COL16A1: variants seen among roughly 807,000 people sequenced by gnomAD.
COL16A1 encodes the protein collagen alpha-1(XVI) chain.
Under a neutral mutation model 266.3 loss-of-function variants are expected in COL16A1, and 189 were observed. The observed-to-expected ratio is 0.71, with a 90% CI of 0.63 to 0.80. COL16A1 has a LOEUF of 0.80. Ranked by LOEUF, COL16A1 falls within the 30% of genes least tolerant of loss-of-function variation. The pLI, the probability that COL16A1 is intolerant of heterozygous loss-of-function variation, is 0.00. For synonymous variants in COL16A1, 740 were observed against 782.3 expected (o/e 0.95, Z 0.90); for missense variants, 1,928 against 2,122.4 (o/e 0.91, Z 1.80).
At chr1:31,686,024 G>T in intron 28 of COL16A1, 67 bp downstream of exon 28, 1 of 1,597,886 alleles carries the variant, frequency 6.3e-7, no homozygotes, top group Non-Finnish European at 8.5e-7. Flanking sequence ...GTTCGAAGTC[G>T]AGCAAGACGA....
intron 44 of COL16A1, among the ~76,000 whole-genome samples, 200 bp downstream of exon 44, chr1:31,674,807 C>G (rs1238390043): frequency 6.6e-6 from 1 of 152,230 alleles, no homozygotes; most frequent in African/African-American, 2.4e-5. Context: ...TTCCTTTAAG[C>G]ACTCATTCAG....
chr1:31,696,247 G>T, intron 8 of COL16A1, 106 bp from the exon 9 acceptor site: 2 of 1,008,770 alleles, frequency 2.0e-6, no homozygotes, highest in Non-Finnish European at 3.0e-6. Context: ...TAATCCTTCA[G>T]CCTGGCATCT....
At chr1:31,671,807 C>G in intron 47 of COL16A1, 148 bp from the exon 48 acceptor site, 1 of 907,120 alleles carries the variant, frequency 1.1e-6, no homozygotes, top group Non-Finnish European at 1.7e-6. Flanking sequence ...GATGTTCGAA[C>G]AATCTTTCAT....
Position 31,683,265 on chromosome 1 carries a change from G to C in COL16A1, c.2416-18C>G, listed in dbSNP as rs749334160. ...GGAAGTCCCTGCAGATGGAAGCACA[G>C]TTAGTTAACCCATATCCTAGAATGG... On this transcript the variant is annotated intron_variant, in intron 35 of 70. Transcript: ENST00000373672. The C allele has an allele frequency of 6.2e-7, 1 of 1,614,212 alleles. No individual in the cohort carries two copies. The highest frequency in any genetic ancestry group is 8.5e-7 in the Non-Finnish European group (1 of 1,180,026).
intron 8 of COL16A1, among the ~76,000 whole-genome samples, chr1:31,696,568 G>T (rs540100649): frequency 6.6e-6 from 1 of 152,376 alleles, no homozygotes; most frequent in African/African-American, 2.4e-5. Flanking sequence ...GGGCCCAGGA[G>T]AGTGAGCCAT....
At chr1:31,681,149 A>G (rs1643611857) in intron 37 of COL16A1, 82 bp from the exon 38 acceptor site, 1 of 1,515,876 alleles carries the variant, frequency 6.6e-7, no homozygotes. Flanking sequence ...GGGGTGTAGG[A>G]CAAACAGAAG....
At chr1:31,655,548 C>T (rs746234743) in intron 66 of COL16A1, 46 bp from the exon 67 acceptor site, 3 of 1,605,264 alleles carry the variant, frequency 1.9e-6, no homozygotes, top group African/African-American at 2.7e-5. Context: ...ATCATGATGT[C>T]TCACCAATCT....
Position 31,672,726 on chromosome 1 carries a change from G to A in COL16A1, c.2974C>T (p.Gln992Ter). The A allele has an allele frequency of 6.2e-7, 1 of 1,613,924 alleles. No individual in the cohort carries two copies. Among genetic ancestry groups the A allele is most frequent in the Non-Finnish European group, 8.5e-7 (1 of 1,179,894 alleles). Residue 992 changes from glutamine to a stop codon, truncating the protein, a stop_gained and splice_region_variant, in exon 45 of 71, where the codon CAG becomes TAG. Coordinates refer to ENST00000373672, the MANE Select transcript of COL16A1 (RefSeq NM_001856.4). LOFTEE classifies it high-confidence loss of function. The part of the protein sequence containing the change: ...PGVPGLDNCA[Q>*]CFLSLERPRA... ...CAGCCCCAAGCCCAGTCCCTTACCT[G>A]GGCGCAGTTGTCGAGGCCTGGCACA...
At chr1:31,681,676 G>A (rs1165050759) in intron 37 of COL16A1, among the ~76,000 whole-genome samples, 1 of 152,236 alleles carries the variant, frequency 6.6e-6, no homozygotes, top group Admixed American at 6.5e-5. Flanking sequence ...AAGCAGTTTG[G>A]GCAACGGCAT....
intron 54 of COL16A1, 59 bp from the exon 55 acceptor site, chr1:31,665,677 C>T (rs1401119122): frequency 6.2e-7 from 1 of 1,601,986 alleles, no homozygotes; most frequent in African/African-American, 1.3e-5. Context: ...GCCTGGCTGC[C>T]CAGGTGGAAA....
intron 47 of COL16A1, 35 bp downstream of exon 47, chr1:31,672,381 C>T: frequency 6.2e-7 from 1 of 1,612,124 alleles, no homozygotes; most frequent in African/African-American, 1.3e-5. Context: ...AGGGCCCCAG[C>T]TCCCTTGAGG....
intron 1 of COL16A1, among the ~76,000 whole-genome samples, chr1:31,703,319 A>G (rs185382067): frequency 7.0e-4 from 106 of 152,244 alleles, no homozygotes; most frequent in Non-Finnish European, 1.3e-3. Context: ...AGGAAATGAA[A>G]ACAGAAAGGA....
Position 31,661,718 on chromosome 1 carries a change from CG to C in COL16A1, c.3682-15del, listed in dbSNP as rs762394659. 12 of 1,593,062 alleles carry C rather than the reference CG, an allele frequency of 7.5e-6. No individual in the cohort carries two copies. The Middle Eastern group carries it at 6.7e-4, about 89-fold the overall frequency. On this transcript the variant is annotated splice_polypyrimidine_tract_variant and intron_variant, in intron 58 of 70. Transcript: ENST00000373672. ...ACCAGGGTCCCCCTAGGGAAAGAGA[CG>C]AGGAGGATTGAGACAAGAGTTTTGC... is the stretch of plus-strand genomic sequence containing the variant.
intron 17 of COL16A1, 99 bp from the exon 18 acceptor site, chr1:31,691,741 C>T: frequency 6.9e-7 from 1 of 1,451,710 alleles, no homozygotes; most frequent in Non-Finnish European, 9.3e-7. Context: ...CTCCCTGCCC[C>T]TCCCCCAAAC....
intron 63 of COL16A1, 94 bp from the exon 64 acceptor site, chr1:31,658,671 G>A: frequency 8.2e-7 from 1 of 1,221,644 alleles, no homozygotes; most frequent in Non-Finnish European, 1.2e-6. Flanking sequence ...GTGTGCCAGG[G>A]ACTACAGGGA....
chr1:31,686,538 A>C (rs1356821680), intron 26 of COL16A1, among the ~76,000 whole-genome samples: 2 of 152,214 alleles, frequency 1.3e-5, no homozygotes. Flanking sequence ...AAAATCACGA[A>C]GGCATTTTTC....
Position 31,688,318 on chromosome 1 carries a change from A to G in COL16A1, c.1803+149T>C. On this transcript the variant is annotated intron_variant, in intron 26 of 70. Coordinates refer to ENST00000373672, the MANE Select transcript of COL16A1 (RefSeq NM_001856.4). The surrounding 1 kb of genome is among the most constrained non-coding windows in gnomAD (Gnocchi z 4.9). ...TCTCAGAAATAAATTCTTTGACTCA[A>G]GTCTGCAAAACACTAGTAAATTAAT... 2.3e-6 allele frequency: 2 copies of G among 870,790 alleles called. No homozygotes were observed. Among genetic ancestry groups the G allele is most frequent in the Non-Finnish European group, 3.8e-6 (2 of 532,240 alleles). 53.9% of individuals were successfully genotyped at this position (870,790 alleles called of 1,614,324 possible). A position where few individuals can be genotyped will look rare whatever the true frequency, so the allele number is the denominator to read the frequency against.
intron 16 of COL16A1, 94 bp from the exon 17 acceptor site, chr1:31,692,161 C>T (rs1644300405): frequency 1.3e-6 from 2 of 1,574,992 alleles, no homozygotes; most frequent in East Asian, 2.2e-5. Flanking sequence ...CCTTCTAGAC[C>T]CCTGGTCTCT....
chr1:31,653,601 G>T lies in COL16A1; in HGVS notation c.4610C>A (p.Pro1537Gln). Residue 1537 changes from proline (P) to glutamine (Q), a missense_variant and splice_region_variant, in exon 70 of 71, where the codon CCA (proline) becomes CAA (glutamine). By Grantham distance (76) the Pro-to-Gln change is moderately conservative. Transcript: ENST00000373672. ...TCTCAAATGGTGGTATTTCCTACCT[G>T]GGGGGCCGGGAAGACCATTTTCTCC... ...IAGENGLPGP[P>Q]GPQGPPGYGK... is the part of the protein sequence containing the mutation. The T allele has an allele frequency of 6.2e-7, 1 of 1,613,124 alleles. No individual in the cohort carries two copies. The highest frequency in any genetic ancestry group is 1.1e-5 in the South Asian group (1 of 90,992).
Sources: gnomAD v4.1 joint callset for allele counts (sites outside exome capture counted in the v4.1 genomes callset) on GRCh38, gnomAD v4.1.1 for gene constraint, Gnocchi (gnomAD v3.1) non-coding constraint, MANE v1.5 for transcripts, NCBI Gene and HGNC (gene_info 2026-07-23, HGNC 2026-07-21) for gene names.